Variants in KCNH1 observed in about 807,000 individuals in gnomAD.
The protein encoded by KCNH1 is potassium voltage-gated channel subfamily H member 1.
KCNH1 carries 27 observed loss-of-function variants against 69.2 expected under a neutral mutation model. The observed-to-expected ratio is 0.39, with a 90% CI of 0.29 to 0.54. KCNH1 has a LOEUF of 0.54. KCNH1 is among the 20% of genes least tolerant of loss of function. The pLI, the probability that KCNH1 is intolerant of heterozygous loss-of-function variation, is 0.68. For synonymous variants in KCNH1, 456 were observed against 487.7 expected, an observed-to-expected ratio of 0.93 and a Z score of 0.86; for missense variants, 798 against 1,261.6, an observed-to-expected ratio of 0.63 and a Z score of 5.57.
chr1:211,058,863 C>T (rs932670123), intron 5 of KCNH1, among the ~76,000 whole-genome samples: 11 of 152,068 alleles, frequency 7.2e-5, no homozygotes, highest in African/African-American at 2.2e-4. Flanking sequence ...CCTAGAAGGA[C>T]ACACACAGAC....
chr1:210,733,157 AT>A (rs893559818), intron 10 of KCNH1, among the ~76,000 whole-genome samples: 3 of 151,240 alleles, frequency 2.0e-5, no homozygotes, highest in Admixed American at 6.6e-5. Flanking sequence ...CATATGGCCT[AT>A]TTTTTTTTCT....
At chr1:211,128,007 C>A (rs970502892) in intron 1 of KCNH1, among the ~76,000 whole-genome samples, 1 of 152,176 alleles carries the variant, frequency 6.6e-6, no homozygotes, top group African/African-American at 2.4e-5. Flanking sequence ...AATGCATCAA[C>A]AGGCCAGGCG....
intron 7 of KCNH1, among the ~76,000 whole-genome samples, chr1:210,839,108 G>C (rs183932071): frequency 7.2e-5 from 11 of 152,212 alleles, no homozygotes; most frequent in Non-Finnish European, 1.2e-4. Context: ...TCACATGCAC[G>C]CATATGTTCA....
chr1:210,712,163 T>G (rs921003376), intron 10 of KCNH1, among the ~76,000 whole-genome samples: 13 of 152,174 alleles, frequency 8.5e-5, no homozygotes, highest in African/African-American at 3.1e-4. Flanking sequence ...ATATTCAAAA[T>G]AGTAATCGTA....
chr1:211,052,973 C>T (rs1352317075), intron 5 of KCNH1, among the ~76,000 whole-genome samples: 1 of 152,160 alleles, frequency 6.6e-6, no homozygotes, highest in Non-Finnish European at 1.5e-5. Context: ...AGGAAAGCAT[C>T]CTCTAGATTT....
At chr1:210,842,602 G>C (rs1685434639) in intron 7 of KCNH1, among the ~76,000 whole-genome samples, 1 of 152,102 alleles carries the variant, frequency 6.6e-6, no homozygotes, top group African/African-American at 2.4e-5. Flanking sequence ...CCCGTGTGTG[G>C]TGTTACTATT....
rs1685956975 is a variant in KCNH1, at chr1:210,860,619, T to G, written c.1463-56453A>C. The G allele has an allele frequency of 3.7e-6, 3 of 801,184 alleles. No homozygotes were observed. The African/African-American group carries it at 5.0e-5, about 13-fold the overall frequency. 49.6% of individuals were successfully genotyped at this position (801,184 alleles called of 1,614,324 possible). On this transcript the variant is annotated intron_variant, in intron 7 of 10. Coordinates refer to ENST00000271751, the MANE Select transcript of KCNH1 (RefSeq NM_172362.3). ...GAATTACATTGGTAAGGTCATCATTTTCTGTTTCTGTTATAATATGAAGAA... is the reference window on the plus strand; with the variant it reads ...GAATTACATTGGTAAGGTCATCATTGTCTGTTTCTGTTATAATATGAAGAA...
At chr1:211,046,118 G>A (rs899588197) in intron 5 of KCNH1, among the ~76,000 whole-genome samples, 5 of 152,018 alleles carry the variant, frequency 3.3e-5, no homozygotes, top group African/African-American at 1.2e-4. Context: ...TCTTTATTCA[G>A]CTATCAATAG....
chr1:211,066,272 A>G (rs1690529384), intron 5 of KCNH1, among the ~76,000 whole-genome samples: 1 of 152,304 alleles, frequency 6.6e-6, no homozygotes, highest in South Asian at 2.1e-4. Context: ...TCAAAATCTA[A>G]TATTAAACTA....
intron 6 of KCNH1, among the ~76,000 whole-genome samples, chr1:210,928,528 T>C (rs939149071): frequency 6.6e-6 from 1 of 152,070 alleles, no homozygotes; most frequent in Non-Finnish European, 1.5e-5. Context: ...ACAACAATAG[T>C]GAAACAACCT....
intron 7 of KCNH1, among the ~76,000 whole-genome samples, chr1:210,815,806 T>C (rs1684803038): frequency 6.6e-6 from 1 of 152,174 alleles, no homozygotes; most frequent in African/African-American, 2.4e-5. Flanking sequence ...GCTTTTGGCC[T>C]AGTCCTGCCC....
At chr1:210,693,120 G>A (rs767421129) in intron 10 of KCNH1, among the ~76,000 whole-genome samples, 2 of 152,292 alleles carry the variant, frequency 1.3e-5, no homozygotes, top group South Asian at 2.1e-4. Flanking sequence ...CACACCCGCC[G>A]TGTGCTGGTT....
intron 7 of KCNH1, among the ~76,000 whole-genome samples, chr1:210,815,679 T>C (rs1684799314): frequency 6.6e-6 from 1 of 152,148 alleles, no homozygotes; most frequent in South Asian, 2.1e-4. Context: ...CCATGTCCAC[T>C]ACAGAACTTT....
chr1:210,882,897 T>C (rs920920133), intron 7 of KCNH1, among the ~76,000 whole-genome samples: 2 of 152,154 alleles, frequency 1.3e-5, no homozygotes, highest in Admixed American at 1.3e-4. Context: ...CATCACATTA[T>C]CACTCTGCAA....
intron 7 of KCNH1, among the ~76,000 whole-genome samples, chr1:210,815,696 C>T (rs1397197163): frequency 6.6e-6 from 1 of 152,154 alleles, no homozygotes; most frequent in Non-Finnish European, 1.5e-5. Flanking sequence ...CTTTCACCCA[C>T]CAGGCCACCA....
intron 5 of KCNH1, among the ~76,000 whole-genome samples, chr1:211,069,986 T>C (rs747317181): frequency 2.6e-5 from 4 of 152,090 alleles, no homozygotes; most frequent in Non-Finnish European, 5.9e-5. Context: ...AGGTATAACA[T>C]ACACATAATG....
intron 7 of KCNH1, among the ~76,000 whole-genome samples, chr1:210,874,655 C>T (rs1181551819): frequency 1.3e-5 from 2 of 152,070 alleles, no homozygotes; most frequent in African/African-American, 4.8e-5. Flanking sequence ...CCATGTCAGG[C>T]ACAATACAAT....
chr1:211,034,236 T>G (rs1441425063), intron 5 of KCNH1, among the ~76,000 whole-genome samples: 1 of 152,090 alleles, frequency 6.6e-6, no homozygotes. Flanking sequence ...ATATATATCA[T>G]AGAGCTCTAC....
At chr1:211,069,300 A>G (rs369710674) in intron 5 of KCNH1, among the ~76,000 whole-genome samples, 2 of 117,806 alleles carry the variant, frequency 1.7e-5, no homozygotes, top group East Asian at 5.9e-4. Context: ...CCACCCTACC[A>G]TCACATTACT....
Sources: gnomAD v4.1 joint callset for allele counts (sites outside exome capture counted in the v4.1 genomes callset) on GRCh38, gnomAD v4.1.1 for gene constraint, MANE v1.5 for transcripts, NCBI Gene and HGNC (gene_info 2026-07-23, HGNC 2026-07-21) for gene names.